Variants in NOLC1 observed in about 807,000 individuals in gnomAD.
NOLC1 encodes 140 kDa nucleolar phosphoprotein.
NOLC1 carries 37 observed loss-of-function variants against 73.4 expected under a neutral mutation model. The observed-to-expected ratio is 0.50, with a 90% CI of 0.39 to 0.66. The LOEUF (loss-of-function observed/expected upper bound fraction) is 0.66. Among genes scored for constraint, NOLC1 ranks in the 30% least tolerant of loss-of-function variants. The probability of loss-of-function intolerance (pLI) is 0.00; values close to 1 mark genes in which losing one functional copy is unlikely to be tolerated. For missense variants in NOLC1, 921 were observed against 838.9 expected, an observed-to-expected ratio of 1.10 and a Z score of -1.21; for synonymous variants, 327 against 302.6, an observed-to-expected ratio of 1.08 and a Z score of -0.84.
chr10:102,156,887 G>A, intron 1 of NOLC1, 132 bp from the exon 2 acceptor site: 1 of 849,442 alleles, frequency 1.2e-6, no homozygotes, highest in South Asian at 1.6e-5. Context: ...CCTGATTTAT[G>A]CACGTAGCAA....
At chr10:102,161,977 G>A in intron 12 of NOLC1, 52 bp downstream of exon 12, 2 of 1,603,986 alleles carry the variant, frequency 1.2e-6, no homozygotes, top group Non-Finnish European at 1.7e-6. Flanking sequence ...TAGTGTCAGA[G>A]AGGACAATTC....
chr10:102,153,080 A>AGT (rs1472805596), intron 1 of NOLC1, among the ~76,000 whole-genome samples: 17 of 152,250 alleles, frequency 1.1e-4, no homozygotes, highest in Admixed American at 1.1e-3. Context: ...AAGTAGGCAT[A>AGT]GTAGTGGGCT....
chr10:102,159,981 G>A lies in NOLC1; in HGVS notation c.945G>A (p.Lys315=), dbSNP rs143372447. The A allele has an allele frequency of 3.8e-3, 6,110 of 1,612,228 alleles. 30 individuals are homozygous for A. The highest frequency in any genetic ancestry group is 0.013 in the South Asian group (1,203 of 90,694). Residue 315 remains lysine, a synonymous_variant, in exon 8 of 13, where the codon AAG becomes AAA. Transcript: ENST00000605788. ...AGCCTCCCAAGAAGGCTGTGGAGAA[G>A]CAGCAGCCTGTGGAAAGCAGTGAAG... The part of the protein sequence containing the change: ...GTQPPKKAVE[K]QQPVESSEDS...
chr10:102,161,995 A>C (rs747653052), intron 12 of NOLC1, 70 bp downstream of exon 12: 2 of 1,601,648 alleles, frequency 1.2e-6, no homozygotes, highest in African/African-American at 2.7e-5. Flanking sequence ...TTCTTGGTTC[A>C]GGTTGGTGGG....
At chr10:102,155,840 G>C (rs1165176987) in intron 1 of NOLC1, among the ~76,000 whole-genome samples, 1 of 151,874 alleles carries the variant, frequency 6.6e-6, no homozygotes, top group Admixed American at 6.6e-5. Context: ...ATTCAATACA[G>C]TACTTACTAG....
Position 102,152,440 on chromosome 10 carries a change from T to C in NOLC1, c.30T>C (p.Val10=), listed in dbSNP as rs1276037509. Reference sequence around the variant, plus strand: ...CGGACGCCGGCATTCGCCGCGTGGTTCCCAGCGACCTGTATCCCCTCGTGC... The same window carrying C: ...CGGACGCCGGCATTCGCCGCGTGGTCCCCAGCGACCTGTATCCCCTCGTGC... MADAGIRRV[V]PSDLYPLVLG... The change falls in exon 1 of 13, where the codon GTT becomes GTC. Residue 10 remains valine (V), a synonymous_variant. Transcript: ENST00000605788. The C allele has an allele frequency of 1.2e-6, 2 of 1,612,698 alleles. No homozygotes were observed. The highest frequency in any genetic ancestry group is 8.5e-7 in the Non-Finnish European group (1 of 1,180,022).
Position 102,154,238 on chromosome 10 carries a change from A to T in NOLC1, c.120+1708A>T, listed in dbSNP as rs1158407521. 1.9e-4 allele frequency among the ~76,000 whole-genome samples: 24 copies of T among 126,416 alleles called. 1 individual carries two copies. The highest frequency in any genetic ancestry group is 1.3e-3 in the South Asian group (5 of 3,874). The allele number at this position is 126,416 out of a possible 152,430, so 82.9% of individuals were successfully genotyped here. ...AGGTGTGCCCCACCATGCCTGGCTA[A>T]TTTTTTTTTTTTTTTTTTGTATTTT... On this transcript the variant is annotated intron_variant, in intron 1 of 12. Transcript: ENST00000605788.
intron 12 of NOLC1, 44 bp from the exon 13 acceptor site, chr10:102,162,067 C>G (rs772565765): frequency 6.2e-7 from 1 of 1,607,550 alleles, no homozygotes; most frequent in Admixed American, 1.7e-5. Flanking sequence ...GACAGGGCTC[C>G]AGCATGGTCC....
chr10:102,161,305 T>G (rs542272575), intron 10 of NOLC1, among the ~76,000 whole-genome samples: 19 of 152,084 alleles, frequency 1.2e-4, no homozygotes, highest in African/African-American at 4.3e-4. Flanking sequence ...GATCACGGCT[T>G]GTGCAGCCTT....
chr10:102,163,727 AAATAACCTGAT>A lies in NOLC1; in HGVS notation c.*1468_*1478del. The A allele has an allele frequency of 6.6e-6, 1 of 152,360 alleles. No individual in the cohort carries two copies. Among genetic ancestry groups the A allele is most frequent in the East Asian group, 1.9e-4 (1 of 5,192 alleles). 9.4% of individuals were successfully genotyped at this position (152,360 alleles called of 1,614,324 possible). ...CTCTTGTTTGGATTCCATACTTGCTAAATAACCTGATAATAACCTGGTTTTCCATGTAACTG... is the reference window on the plus strand; with the variant it reads ...CTCTTGTTTGGATTCCATACTTGCTAAATAACCTGGTTTTCCATGTAACTG... On this transcript the variant is annotated 3_prime_UTR_variant, in exon 13 of 13. Coordinates refer to ENST00000605788, the MANE Select transcript of NOLC1 (RefSeq NM_004741.5).
At position 102,160,342 on chromosome 10, in the gene NOLC1, A is replaced by T; in HGVS notation, c.1098A>T (p.Ser366=). The T allele has an allele frequency of 6.2e-7, 1 of 1,614,098 alleles. No homozygotes were observed. Among genetic ancestry groups the T allele is most frequent in the Non-Finnish European group, 8.5e-7 (1 of 1,179,916 alleles). ...KKAAESSSDS[S]DSDSSEDDEA... ...CAGCAGAGAGCTCTTCAGACAGCTC[A>T]GGTAAGGCATATGGAGGCCCTCAGT... The change falls in exon 9 of 13, where the codon TCA becomes TCT. Residue 366 remains serine, a splice_region_variant and synonymous_variant. Transcript: ENST00000605788.
chr10:102,159,345 AG>A, intron 6 of NOLC1, 37 bp downstream of exon 6: 1 of 1,613,920 alleles, frequency 6.2e-7, no homozygotes, highest in Non-Finnish European at 8.5e-7. Context: ...AGAGGTGACC[AG>A]GGTGTGATGT....
chr10:102,163,472 T>C lies in NOLC1; in HGVS notation c.*1203T>C, dbSNP rs768767977. 8 of 152,206 alleles carry C rather than the reference T, an allele frequency of 5.3e-5. No homozygotes were observed. The highest frequency in any genetic ancestry group is 1.2e-4 in the Non-Finnish European group (8 of 68,030). 9.4% of individuals were successfully genotyped at this position (152,206 alleles called of 1,614,324 possible). A position where few individuals can be genotyped will look rare whatever the true frequency, so the allele number is the denominator to read the frequency against. On this transcript the variant is annotated 3_prime_UTR_variant, in exon 13 of 13. Coordinates refer to ENST00000605788, the MANE Select transcript of NOLC1 (RefSeq NM_004741.5). ...GACATGCCCCCTTCAGAACCTTAAC[T>C]GTTAGTAGCAGTGGCTGTAACAACA...
intron 1 of NOLC1, among the ~76,000 whole-genome samples, chr10:102,156,759 A>G (rs909650250): frequency 1.3e-5 from 2 of 151,812 alleles, no homozygotes; most frequent in African/African-American, 4.8e-5. Flanking sequence ...TTGTTTTAGG[A>G]CTTTGATCAA....
chr10:102,158,318 G>T, intron 5 of NOLC1, 104 bp downstream of exon 5: 1 of 877,308 alleles, frequency 1.1e-6, no homozygotes, highest in South Asian at 2.6e-5. Flanking sequence ...ACTGTTTGTT[G>T]AACTGGAGGT....
chr10:102,160,494 C>G lies in NOLC1; in HGVS notation c.1142C>G (p.Ala381Gly). The change falls in exon 10 of 13, where the codon GCT becomes GGT. Residue 381 changes from alanine (A) to glycine (G), a missense_variant. Ala to Gly is a moderately conservative substitution (Grantham distance 60). Coordinates refer to ENST00000605788, the MANE Select transcript of NOLC1 (RefSeq NM_004741.5). ...GATGATGAAGCTCCTTCTAAGCCAG[C>G]TGGTACCACCAAGAATTCTTCAAAT... ...SEDDEAPSKP[A>G]GTTKNSSNKP... is the part of the protein sequence containing the mutation. 1 of 1,614,192 alleles carries G rather than the reference C, an allele frequency of 6.2e-7. No homozygotes were observed. The highest frequency in any genetic ancestry group is 8.5e-7 in the Non-Finnish European group (1 of 1,180,022).
At chr10:102,156,249 T>G (rs1488632247) in intron 1 of NOLC1, among the ~76,000 whole-genome samples, 1 of 152,212 alleles carries the variant, frequency 6.6e-6, no homozygotes, top group African/African-American at 2.4e-5. Context: ...TCTTAGATAG[T>G]ACATTGCTAG....
chr10:102,159,769 A>G, intron 7 of NOLC1, 127 bp from the exon 8 acceptor site: 2 of 1,107,922 alleles, frequency 1.8e-6, no homozygotes, highest in Non-Finnish European at 2.5e-6. Flanking sequence ...ATGTTCTGTT[A>G]GAACTGAGTC....
intron 8 of NOLC1, 69 bp from the exon 9 acceptor site, chr10:102,160,164 A>T: frequency 6.3e-7 from 1 of 1,593,690 alleles, no homozygotes; most frequent in East Asian, 2.2e-5. Context: ...GTGTCTTTGC[A>T]TTCTTTTTAT....
Sources: allele counts gnomAD v4.1 joint callset (sites outside exome capture counted in the v4.1 genomes callset), GRCh38; gene constraint gnomAD v4.1.1; transcripts MANE v1.5; gene names NCBI Gene and HGNC (gene_info 2026-07-23, HGNC 2026-07-21).